The following MPPE1 variants were observed in gnomAD, a reference collection of about 807,000 sequenced individuals.
MPPE1 encodes metallophosphoesterase 1, also known as metallo phosphoesterase.
Under a neutral mutation model 43.8 loss-of-function variants are expected in MPPE1, and 28 were observed. The ratio of observed to expected loss-of-function variants is 0.64; its 90% CI spans 0.47 to 0.88. The LOEUF is 0.88. Ranked by LOEUF, MPPE1 falls within the 40% of genes least tolerant of loss-of-function variation. The pLI is 0.00. For synonymous variants in MPPE1, 159 were observed against 188.5 expected, an observed-to-expected ratio of 0.84 and a Z score of 1.28; for missense variants, 428 against 492.2, an observed-to-expected ratio of 0.87 and a Z score of 1.23.
Position 11,884,247 on chromosome 18 carries a change from G to C in MPPE1, c.*198C>G, listed in dbSNP as rs1053501794. 2 of 563,124 alleles carry C rather than the reference G, an allele frequency of 3.6e-6. No individual in the cohort carries two copies. The highest frequency in any genetic ancestry group is 3.7e-5 in the African/African-American group (2 of 53,446). The allele number at this position is 563,124 out of a possible 1,614,324, so 34.9% of individuals were successfully genotyped here. Reference sequence around the variant, plus strand: ...AAAATGAGAAAACAGATTTGTTGTAGAGTACCTGTCCACTTTTATAGCATG... The same window carrying C: ...AAAATGAGAAAACAGATTTGTTGTACAGTACCTGTCCACTTTTATAGCATG... On this transcript the variant is annotated 3_prime_UTR_variant, in exon 11 of 11. Transcript: ENST00000588072.
rs774608661 is a variant in MPPE1 at position 11,886,919 on chromosome 18, C to T, written c.676G>A (p.Glu226Lys). ...GTGGCATTCAGATGCTCTCCTACCT[C>T]TCGGGAGCAGTTCAGTCTGTGAGAA... ...EVSHRLNCSR[E>K]ARGSSRCGPG... is the part of the protein sequence containing the mutation. Residue 226 changes from glutamate to lysine, a missense_variant and splice_region_variant, in exon 7 of 11, where the codon GAG (glutamate) becomes AAG (lysine). By Grantham distance (56) the Glu-to-Lys change is moderately conservative. Transcript: ENST00000588072. This position sits in a 1 kb window ranked among gnomAD's most constrained non-coding sequence, Gnocchi z 4.1. 1.1e-5 allele frequency: 17 copies of T among 1,611,764 alleles called. No homozygotes were observed. Among genetic ancestry groups the T allele is most frequent in the Non-Finnish European group, 1.4e-5 (16 of 1,178,678 alleles).
intron 3 of MPPE1, 107 bp from the exon 4 acceptor site, chr18:11,893,683 C>T (rs1274515793): frequency 1.2e-6 from 1 of 831,334 alleles, no homozygotes; most frequent in Non-Finnish European, 1.9e-6. Context: ...CACTCTCCTT[C>T]TTCCAGAGCC....
chr18:11,885,636 C>T lies in MPPE1; in HGVS notation c.1008+40G>A. 6 of 1,591,272 alleles carry T rather than the reference C, an allele frequency of 3.8e-6. No individual in the cohort carries two copies. The Middle Eastern group carries it at 5.1e-4, about 134-fold the overall frequency. ...GTTGATTACTGTGTTGATTTAAATA[C>T]TTATGAAAGCTTTCAGACAAAAATA... is the stretch of plus-strand genomic sequence containing the variant. On this transcript the variant is annotated intron_variant, in intron 10 of 10. Coordinates refer to ENST00000588072, the MANE Select transcript of MPPE1 (RefSeq NM_023075.6).
chr18:11,885,591 C>A (rs2037096070), intron 10 of MPPE1, 85 bp downstream of exon 10: 2 of 1,485,026 alleles, frequency 1.3e-6, no homozygotes, highest in South Asian at 1.3e-5. Flanking sequence ...TAAATTTTGA[C>A]CGATTGCAGC....
intron 2 of MPPE1, among the ~76,000 whole-genome samples, chr18:11,901,440 A>C (rs1372155172): frequency 6.6e-6 from 1 of 151,794 alleles, no homozygotes; most frequent in African/African-American, 2.4e-5. Flanking sequence ...CACATTGGCC[A>C]GACTGGTATC....
intron 10 of MPPE1, 132 bp from the exon 11 acceptor site, chr18:11,884,759 C>T: frequency 7.5e-7 from 1 of 1,328,740 alleles, no homozygotes; most frequent in Non-Finnish European, 1.0e-6. Context: ...CCCTCCTCAC[C>T]TGAGACCAAG....
At chr18:11,903,437 G>C (rs1567976165) in intron 2 of MPPE1, among the ~76,000 whole-genome samples, 3 of 152,300 alleles carry the variant, frequency 2.0e-5, no homozygotes, top group South Asian at 4.1e-4. Flanking sequence ...CCCACCCTAA[G>C]GGATGAATCA....
Position 11,883,274 on chromosome 18 carries a change from C to T in MPPE1, c.*1171G>A, listed in dbSNP as rs1317668587. ...CTCAGCTGAACTAAGATAAATAATA[C>T]AATGGAAATTATTTTCAGTTCCCCT... On this transcript the variant is annotated 3_prime_UTR_variant, in exon 11 of 11. Coordinates refer to ENST00000588072, the MANE Select transcript of MPPE1 (RefSeq NM_023075.6). 1.3e-5 allele frequency: 2 copies of T among 152,162 alleles called. No homozygotes were observed. Among genetic ancestry groups the T allele is most frequent in the African/African-American group, 4.8e-5 (2 of 41,412 alleles). 9.4% of individuals were successfully genotyped at this position (152,162 alleles called of 1,614,324 possible).
intron 4 of MPPE1, among the ~76,000 whole-genome samples, chr18:11,890,003 C>T (rs1329587731): frequency 6.6e-5 from 10 of 150,492 alleles, no homozygotes; most frequent in African/African-American, 2.2e-4. Flanking sequence ...AGTGCAGTGG[C>T]ACGATCTCGG....
At chr18:11,900,865 C>A (rs2039115259) in intron 2 of MPPE1, among the ~76,000 whole-genome samples, 1 of 150,052 alleles carries the variant, frequency 6.7e-6, no homozygotes, top group Non-Finnish European at 1.5e-5. Flanking sequence ...CGAGATTGCG[C>A]CACTGCACTC....
chr18:11,895,533 TTTTA>T (rs1293078835), intron 3 of MPPE1, among the ~76,000 whole-genome samples: 1 of 140,388 alleles, frequency 7.1e-6, no homozygotes, highest in Non-Finnish European at 1.5e-5. Context: ...GTTTTTCTTA[TTTTA>T]TTTTACTTTT....
intron 4 of MPPE1, among the ~76,000 whole-genome samples, chr18:11,892,327 G>A (rs1346422943): frequency 2.1e-5 from 3 of 144,984 alleles, no homozygotes; most frequent in African/African-American, 7.7e-5. Flanking sequence ...GTGACAGAGT[G>A]AGACTCCATC....
At chr18:11,900,375 G>A (rs1347358485) in intron 2 of MPPE1, among the ~76,000 whole-genome samples, 2 of 151,728 alleles carry the variant, frequency 1.3e-5, no homozygotes, top group African/African-American at 2.4e-5. Context: ...GCGTGGTGGT[G>A]GGCGTCTGTA....
chr18:11,900,173 C>G (rs1434091716), intron 2 of MPPE1, among the ~76,000 whole-genome samples: 5 of 152,110 alleles, frequency 3.3e-5, no homozygotes, highest in Admixed American at 1.3e-4. Flanking sequence ...CTGGCAAAAC[C>G]CCATCTCTAC....
intron 2 of MPPE1, among the ~76,000 whole-genome samples, chr18:11,904,494 T>C (rs762118901): frequency 5.3e-4 from 81 of 152,060 alleles, no homozygotes; most frequent in Non-Finnish European, 1.0e-3. Flanking sequence ...AATTTTTGCA[T>C]TTTTTGTAGA....
intron 4 of MPPE1, 88 bp downstream of exon 4, chr18:11,893,380 C>A: frequency 1.1e-6 from 1 of 893,060 alleles, no homozygotes; most frequent in Admixed American, 2.1e-5. Context: ...AAATCTCCAG[C>A]TCAAGCTGAC....
intron 2 of MPPE1, among the ~76,000 whole-genome samples, chr18:11,904,706 C>T (rs554144458): frequency 1.9e-3 from 293 of 152,262 alleles, no homozygotes; most frequent in Non-Finnish European, 3.7e-3. Context: ...GAGACAAAGG[C>T]AGGTGGACCA....
intron 1 of MPPE1, among the ~76,000 whole-genome samples, chr18:11,906,850 G>A (rs1399716249): frequency 1.9e-5 from 2 of 104,198 alleles, no homozygotes; most frequent in African/African-American, 5.2e-5. Context: ...GCGAAACTCC[G>A]TCTCAAAAAA....
At position 11,886,785 on chromosome 18, in the gene MPPE1, G is replaced by A. The variant is rs766531439; in HGVS notation, c.679-7C>T. ...ACCGGCTGGAGCCACGTGCCTGCTGGGTACAAGTCAGGCCATTAATCCGCA... is the reference window on the plus strand; with the variant it reads ...ACCGGCTGGAGCCACGTGCCTGCTGAGTACAAGTCAGGCCATTAATCCGCA... On this transcript the variant is annotated splice_polypyrimidine_tract_variant and splice_region_variant and intron_variant, in intron 7 of 10. Coordinates refer to ENST00000588072, the MANE Select transcript of MPPE1 (RefSeq NM_023075.6). The surrounding 1 kb of genome is among the most constrained non-coding windows in gnomAD (Gnocchi z 4.1). 6.2e-7 allele frequency: 1 copy of A among 1,611,670 alleles called. No individual in the cohort carries two copies. The highest frequency in any genetic ancestry group is 8.5e-7 in the Non-Finnish European group (1 of 1,179,098).
Sources: allele counts gnomAD v4.1 joint callset (sites outside exome capture counted in the v4.1 genomes callset), GRCh38; gene constraint gnomAD v4.1.1; non-coding constraint Gnocchi (gnomAD v3.1); transcripts MANE v1.5; gene names NCBI Gene and HGNC (gene_info 2026-07-23, HGNC 2026-07-21).